NTM: variants seen among roughly 807,000 people sequenced by gnomAD.
NTM encodes IgLON family member 2.
Under a neutral mutation model 42.1 loss-of-function variants are expected in NTM, and 13 were observed. That is an observed-to-expected ratio of 0.31 (90% CI 0.20 to 0.49). The LOEUF (loss-of-function observed/expected upper bound fraction) is 0.49, where lower values mean the gene tolerates loss of function less well. Ranked by LOEUF, NTM falls within the 20% of genes least tolerant of loss-of-function variation. The pLI is 0.99. For missense variants in NTM, 373 were observed against 452.8 expected, an observed-to-expected ratio of 0.82 and a Z score of 1.60; for synonymous variants, 187 against 179.2, an observed-to-expected ratio of 1.04 and a Z score of -0.35.
chr11:131,735,293 T>C (rs553859869), intron 1 of NTM, among the ~76,000 whole-genome samples: 1 of 152,340 alleles, frequency 6.6e-6, no homozygotes, highest in Non-Finnish European at 1.5e-5. Flanking sequence ...GGGTTCCCAC[T>C]TCATTTCCCC....
Position 132,070,571 on chromosome 11 carries a change from C to T in NTM, c.168-75711C>T, listed in dbSNP as rs571533852. On this transcript the variant is annotated intron_variant, in intron 2 of 8. Coordinates refer to ENST00000683400, the MANE Select transcript of NTM (RefSeq NM_001352005.2). ...GTCACAGTTTAGTTAACACGTCACA[C>T]AGCCAAGTTAACACGTCAAACTGAC... 2.2e-3 allele frequency among the ~76,000 whole-genome samples: 287 copies of T among 127,744 alleles called. 22 individuals are homozygous for T. Among genetic ancestry groups the T allele is most frequent in the Non-Finnish European group, 4.3e-3 (250 of 58,008 alleles). 83.8% of individuals were successfully genotyped at this position (127,744 alleles called of 152,430 possible). A position where few individuals can be genotyped will look rare whatever the true frequency, so the allele number is the denominator to read the frequency against.
At chr11:131,901,177 T>C (rs1034373809) in intron 1 of NTM, among the ~76,000 whole-genome samples, 3 of 152,176 alleles carry the variant, frequency 2.0e-5, no homozygotes, top group Admixed American at 2.0e-4. Flanking sequence ...TCCTTTTTAA[T>C]AGAAGAGGAA....
At chr11:131,808,568 G>A (rs181527443) in intron 1 of NTM, among the ~76,000 whole-genome samples, 1 of 152,318 alleles carries the variant, frequency 6.6e-6, no homozygotes, top group East Asian at 1.9e-4. Flanking sequence ...TGTACAAGGT[G>A]CAAACAAAGA....
At chr11:131,872,663 T>A (rs2047906498) in intron 1 of NTM, among the ~76,000 whole-genome samples, 1 of 152,208 alleles carries the variant, frequency 6.6e-6, no homozygotes, top group Non-Finnish European at 1.5e-5. Context: ...AATTGTAGTA[T>A]TTTAAGAGCC....
intron 1 of NTM, among the ~76,000 whole-genome samples, chr11:131,500,281 A>G (rs78519913): frequency 0.036 from 5,513 of 152,178 alleles, 334 homozygotes; most frequent in African/African-American, 0.12. Flanking sequence ...CAGGTTGTAC[A>G]TTTTACTGGC....
At chr11:131,954,562 C>T (rs575544273) in intron 2 of NTM, among the ~76,000 whole-genome samples, 2 of 152,194 alleles carry the variant, frequency 1.3e-5, no homozygotes, top group East Asian at 1.9e-4. Flanking sequence ...AGGGAACCTG[C>T]GTGTCTGATT....
At chr11:131,636,981 T>C (rs1268631109) in intron 1 of NTM, among the ~76,000 whole-genome samples, 6 of 152,132 alleles carry the variant, frequency 3.9e-5, no homozygotes, top group Non-Finnish European at 8.8e-5. Context: ...ATCTTTGAGA[T>C]GAGGAAGAAC....
intron 1 of NTM, among the ~76,000 whole-genome samples, chr11:131,372,839 C>A (rs11222590): frequency 0.16 from 24,064 of 151,910 alleles, 2,895 homozygotes; most frequent in African/African-American, 0.34. Context: ...AATATTTGCT[C>A]ATACTTTGAA....
intron 3 of NTM, among the ~76,000 whole-genome samples, chr11:132,191,022 A>T (rs1414103361): frequency 1.3e-5 from 2 of 152,182 alleles, no homozygotes; most frequent in African/African-American, 2.4e-5. Context: ...AAACAGTAAA[A>T]ACAGGAAGAC....
Position 131,712,172 on chromosome 11 carries a change from T to A in NTM, c.83-199392T>A, listed in dbSNP as rs868365303. 3.8e-3 allele frequency among the ~76,000 whole-genome samples: 505 copies of A among 134,374 alleles called. 1 individual carries two copies. Among genetic ancestry groups the A allele is most frequent in the Middle Eastern group, 0.023 (6 of 260 alleles). The allele number at this position is 134,374 out of a possible 152,430, so 88.2% of individuals were successfully genotyped here. A position where few individuals can be genotyped will look rare whatever the true frequency, so the allele number is the denominator to read the frequency against. Reference sequence around the variant, plus strand: ...AAATAAAAAAATAAAAATTAAAAAATTAAAAAAAAAAACAAAAAAAAACCC... The same window carrying A: ...AAATAAAAAAATAAAAATTAAAAAAATAAAAAAAAAAACAAAAAAAAACCC... On this transcript the variant is annotated intron_variant, in intron 1 of 8. Coordinates refer to ENST00000683400, the MANE Select transcript of NTM (RefSeq NM_001352005.2).
At chr11:131,459,494 A>G (rs1161613037) in intron 1 of NTM, among the ~76,000 whole-genome samples, 1 of 151,018 alleles carries the variant, frequency 6.6e-6, no homozygotes, top group Non-Finnish European at 1.5e-5. Flanking sequence ...TTTTAGAAAG[A>G]AAGACTATAG....
chr11:132,162,997 C>T lies in NTM; in HGVS notation c.400+16483C>T, dbSNP rs557388588. 8.7e-5 allele frequency among the ~76,000 whole-genome samples: 13 copies of T among 149,998 alleles called. No homozygotes were observed. The East Asian group carries it at 1.5e-3, about 18-fold the overall frequency. On this transcript the variant is annotated intron_variant, in intron 3 of 8. Transcript: ENST00000683400. ...AGGGGCTGATGATTTACCTAACTCTCCCCTGGTCCACCCCAAGAGAAGGAT... is the reference window on the plus strand; with the variant it reads ...AGGGGCTGATGATTTACCTAACTCTTCCCTGGTCCACCCCAAGAGAAGGAT...
chr11:132,179,795 G>A (rs2077298438), intron 3 of NTM, among the ~76,000 whole-genome samples: 1 of 152,118 alleles, frequency 6.6e-6, no homozygotes, highest in African/African-American at 2.4e-5. Flanking sequence ...CTTGGCGACT[G>A]GTATGGGAAG....
intron 1 of NTM, among the ~76,000 whole-genome samples, chr11:131,648,142 G>C (rs1290878492): frequency 6.6e-6 from 1 of 152,174 alleles, no homozygotes; most frequent in Non-Finnish European, 1.5e-5. Context: ...GTTTGCTAAG[G>C]GTGATGGCCT....
intron 1 of NTM, among the ~76,000 whole-genome samples, chr11:131,572,595 G>A (rs954502874): frequency 2.6e-5 from 4 of 152,174 alleles, no homozygotes; most frequent in East Asian, 3.9e-4. Context: ...ATGACTGTGC[G>A]CGCATTGAAA....
At chr11:131,544,167 C>A (rs1398093939) in intron 1 of NTM, among the ~76,000 whole-genome samples, 1 of 152,184 alleles carries the variant, frequency 6.6e-6, no homozygotes, top group African/African-American at 2.4e-5. Flanking sequence ...GACCTTTGAT[C>A]TTTTAGGGTT....
Position 131,619,037 on chromosome 11 carries a change from C to A in NTM, c.82+248149C>A, listed in dbSNP as rs145078775. Among the ~76,000 whole-genome samples, 479 of 152,204 alleles carry A rather than the reference C, an allele frequency of 3.1e-3. 5 individuals carry two copies. The South Asian group carries it at 0.041, about 13-fold the overall frequency. ...ACTAGTGCTAGGCTCGAGAGGTATG[C>A]GAAAACAAACAACAACAATAGCAAC... On this transcript the variant is annotated intron_variant, in intron 1 of 8. Coordinates refer to ENST00000683400, the MANE Select transcript of NTM (RefSeq NM_001352005.2).
intron 2 of NTM, among the ~76,000 whole-genome samples, chr11:132,052,743 A>G (rs976202470): frequency 1.3e-5 from 2 of 151,108 alleles, no homozygotes; most frequent in African/African-American, 4.9e-5. Context: ...AGAATCAATT[A>G]TCTCTTCACA....
intron 2 of NTM, among the ~76,000 whole-genome samples, chr11:132,039,956 G>T (rs542326806): frequency 8.6e-5 from 13 of 151,694 alleles, no homozygotes; most frequent in Non-Finnish European, 1.0e-4. Flanking sequence ...ACAGAGTCTC[G>T]CTCTGTCACC....
Sources: gnomAD v4.1 joint callset for allele counts (sites outside exome capture counted in the v4.1 genomes callset) on GRCh38, gnomAD v4.1.1 for gene constraint, MANE v1.5 for transcripts, NCBI Gene and HGNC (gene_info 2026-07-23, HGNC 2026-07-21) for gene names.